DPP10: variants seen among roughly 807,000 people sequenced by gnomAD.
DPP10 encodes the protein inactive dipeptidyl peptidase 10.
DPP10 carries 33 observed loss-of-function variants against 120.9 expected under a neutral mutation model. The observed-to-expected ratio is 0.27, with a 90% confidence interval of 0.21 to 0.37. The LOEUF is 0.37. DPP10 is among the 10% of genes least tolerant of loss of function. The pLI, the probability that DPP10 is intolerant of heterozygous loss-of-function variation, is 1.00. For synonymous variants in DPP10, 337 were observed against 326.1 expected (o/e 1.03, Z -0.36); for missense variants, 816 against 942.8 (o/e 0.87, Z 1.76).
chr2:115,052,100 CAG>C (rs1456426558), intron 1 of DPP10, among the ~76,000 whole-genome samples: 2 of 152,122 alleles, frequency 1.3e-5, no homozygotes, highest in East Asian at 3.8e-4. Context: ...TTTCAACAAA[CAG>C]TGCTGAGACA....
intron 1 of DPP10, among the ~76,000 whole-genome samples, chr2:114,812,618 A>ACACACAC (rs1558766410): frequency 2.7e-5 from 4 of 149,858 alleles, no homozygotes; most frequent in African/African-American, 9.9e-5. Flanking sequence ...ACACACACAC[A>ACACACAC]ATTATAATTA....
intron 1 of DPP10, among the ~76,000 whole-genome samples, chr2:115,101,031 C>T (rs2048668117): frequency 6.6e-6 from 1 of 152,088 alleles, no homozygotes. Context: ...GAGCCAACTC[C>T]CCTGTGAACC....
At chr2:114,932,511 T>G (rs559498038) in intron 1 of DPP10, among the ~76,000 whole-genome samples, 1 of 152,266 alleles carries the variant, frequency 6.6e-6, no homozygotes, top group Admixed American at 6.5e-5. Flanking sequence ...GGGTGAAAAT[T>G]TACAGACAAT....
At chr2:115,300,137 G>T (rs2061059756) in intron 1 of DPP10, among the ~76,000 whole-genome samples, 2 of 151,916 alleles carry the variant, frequency 1.3e-5, no homozygotes, top group African/African-American at 2.4e-5. Flanking sequence ...CATTTGCGTT[G>T]CTGTGCAACC....
At chr2:115,193,651 C>T (rs999907884) in intron 1 of DPP10, among the ~76,000 whole-genome samples, 1 of 152,140 alleles carries the variant, frequency 6.6e-6, no homozygotes, top group Non-Finnish European at 1.5e-5. Context: ...ACTCAAAAGG[C>T]GTACTTAGAA....
intron 1 of DPP10, among the ~76,000 whole-genome samples, chr2:114,575,359 T>C (rs1272538014): frequency 2.0e-5 from 3 of 151,912 alleles, no homozygotes; most frequent in Admixed American, 1.3e-4. Context: ...TATAGAAAAA[T>C]AAGGCAAAGC....
intron 1 of DPP10, among the ~76,000 whole-genome samples, chr2:114,589,402 A>G (rs146564962): frequency 6.6e-6 from 1 of 152,118 alleles, no homozygotes; most frequent in Non-Finnish European, 1.5e-5. Flanking sequence ...AACAGATATA[A>G]CGTGAATTCT....
intron 1 of DPP10, among the ~76,000 whole-genome samples, chr2:114,445,724 A>G (rs1677904930): frequency 6.6e-6 from 1 of 152,042 alleles, no homozygotes; most frequent in Admixed American, 6.6e-5. Flanking sequence ...GAACAAGATG[A>G]TCAAGAGTAT....
chr2:114,769,146 T>C (rs1430777562), intron 1 of DPP10, among the ~76,000 whole-genome samples: 1 of 152,144 alleles, frequency 6.6e-6, no homozygotes, highest in Non-Finnish European at 1.5e-5. Context: ...TAGAGTAGAT[T>C]AAATGAATGA....
chr2:115,762,312 A>T (rs757660594), intron 11 of DPP10, among the ~76,000 whole-genome samples: 16 of 152,162 alleles, frequency 1.1e-4, no homozygotes, highest in Non-Finnish European at 4.4e-5. Flanking sequence ...CTGGAAAATG[A>T]TCTTCTCTCC....
intron 3 of DPP10, among the ~76,000 whole-genome samples, chr2:115,379,850 G>T (rs1333636167): frequency 9.2e-5 from 14 of 152,070 alleles, no homozygotes; most frequent in African/African-American, 1.9e-4. Context: ...AGTTTCCATG[G>T]AGTTGAGCGG....
At chr2:114,712,278 C>A (rs1441857804) in intron 1 of DPP10, among the ~76,000 whole-genome samples, 1 of 152,122 alleles carries the variant, frequency 6.6e-6, no homozygotes, top group Non-Finnish European at 1.5e-5. Context: ...CGAGATCATG[C>A]CACTGCACTC....
chr2:114,545,547 A>G lies in DPP10; in HGVS notation c.60+102709A>G, dbSNP rs146401026. ...CCAACTGCCTTACCTTCTTCTTAGT[A>G]ACCTGATGAGTACTTCTCATGCAGG... On this transcript the variant is annotated intron_variant, in intron 1 of 25. Transcript: ENST00000410059. Among the ~76,000 whole-genome samples, 53 of 152,358 alleles carry G rather than the reference A, an allele frequency of 3.5e-4. 2 individuals carry two copies. The East Asian group carries it at 9.6e-3, about 28-fold the overall frequency.
chr2:114,573,903 G>T (rs1689846528), intron 1 of DPP10, among the ~76,000 whole-genome samples: 1 of 152,142 alleles, frequency 6.6e-6, no homozygotes, highest in Non-Finnish European at 1.5e-5. Flanking sequence ...GCTGAAAACA[G>T]ATAATCCTTT....
intron 4 of DPP10, among the ~76,000 whole-genome samples, chr2:115,519,819 A>T (rs1015139410): frequency 4.6e-5 from 7 of 152,156 alleles, no homozygotes; most frequent in African/African-American, 1.7e-4. Context: ...GGCTTTCTAA[A>T]ATCCTTCCTC....
In DPP10 at chr2:115,249,970, G is replaced by A. The variant is rs549983766; in HGVS notation, c.61-59269G>A. Among the ~76,000 whole-genome samples the A allele has an allele frequency of 1.1e-4, 17 of 152,252 alleles. No individual in the cohort carries two copies. In the South Asian group the frequency reaches 1.7e-3, roughly 15 times the overall value. ...AGTTACTAGACAGAAAGAAATCTAT[G>A]CAGTACGCTGACCAAACACTGAAAG... is the stretch of plus-strand genomic sequence containing the variant. On this transcript the variant is annotated intron_variant, in intron 1 of 25. Coordinates refer to ENST00000410059, the MANE Select transcript of DPP10 (RefSeq NM_020868.6).
At chr2:115,162,909 C>G (rs1037465198) in intron 1 of DPP10, among the ~76,000 whole-genome samples, 1 of 151,940 alleles carries the variant, frequency 6.6e-6, no homozygotes, top group East Asian at 1.9e-4. Context: ...GCCGAGACAC[C>G]CTGGCGAGGA....
chr2:115,257,827 G>A (rs559411169), intron 1 of DPP10, among the ~76,000 whole-genome samples: 19 of 152,084 alleles, frequency 1.2e-4, no homozygotes, highest in African/African-American at 1.9e-4. Context: ...TTGTCTTCTC[G>A]TTTAAAATCA....
intron 1 of DPP10, among the ~76,000 whole-genome samples, chr2:115,149,391 A>C (rs1046275617): frequency 2.0e-5 from 3 of 152,234 alleles, no homozygotes; most frequent in Admixed American, 2.0e-4. Flanking sequence ...AAAAGGACAG[A>C]ACTGAAGTTT....
Sources: gnomAD v4.1 joint callset for allele counts (sites outside exome capture counted in the v4.1 genomes callset) on GRCh38, gnomAD v4.1.1 for gene constraint, MANE v1.5 for transcripts, NCBI Gene and HGNC (gene_info 2026-07-23, HGNC 2026-07-21) for gene names.